TRIO: variants seen among roughly 807,000 people sequenced by gnomAD.
TRIO encodes trio Rho guanine nucleotide exchange factor, also known as triple functional domain protein.
A neutral mutation model predicts 351.9 loss-of-function variants in TRIO; 58 were observed. The ratio of observed to expected loss-of-function variants is 0.16; its 90% CI spans 0.13 to 0.21. The LOEUF (loss-of-function observed/expected upper bound fraction) is 0.21. Among genes scored for constraint, TRIO ranks in the 10% least tolerant of loss-of-function variants. The pLI is 1.00. For synonymous variants in TRIO, 1,758 were observed against 1,595.7 expected (o/e 1.10, Z -2.42); for missense variants, 3,201 against 4,027.8 (o/e 0.79, Z 5.56).
At position 14,337,283 on chromosome 5, in the gene TRIO, A is replaced by G. The variant is rs147800793; in HGVS notation, c.2046+556A>G. ...TGAAAAATAGGTAGGTACTAATTAT[A>G]CCTTGCATATATGTTATTCTTGGTA... On this transcript the variant is annotated intron_variant, in intron 11 of 56. Coordinates refer to ENST00000344204, the MANE Select transcript of TRIO (RefSeq NM_007118.4). 6.3e-3 allele frequency among the ~76,000 whole-genome samples: 965 copies of G among 152,342 alleles called. 13 individuals carry two copies. Among genetic ancestry groups the G allele is most frequent in the Non-Finnish European group, 6.9e-3 (468 of 68,032 alleles).
chr5:14,165,346 T>C (rs4701601), intron 1 of TRIO, among the ~76,000 whole-genome samples: 38,485 of 152,108 alleles, frequency 0.25, 5,042 homozygotes, highest in Middle Eastern at 0.3. Context: ...CTCCCACTTA[T>C]AAGCGAGAAC....
chr5:14,468,186 C>G (rs546103656), intron 37 of TRIO, among the ~76,000 whole-genome samples: 9 of 152,334 alleles, frequency 5.9e-5, no homozygotes, highest in African/African-American at 2.2e-4. Flanking sequence ...TTGACTCTTA[C>G]TGTGTTAATC....
intron 2 of TRIO, among the ~76,000 whole-genome samples, chr5:14,279,314 G>A (rs1735792168): frequency 1.3e-5 from 2 of 152,084 alleles, no homozygotes; most frequent in South Asian, 4.2e-4. Flanking sequence ...ATCATCTTCT[G>A]CTGTATGCTT....
intron 1 of TRIO, among the ~76,000 whole-genome samples, chr5:14,146,400 C>T (rs553659800): frequency 3.3e-4 from 50 of 152,170 alleles, no homozygotes; most frequent in Non-Finnish European, 5.1e-4. Context: ...CATTGCTTGC[C>T]TTTCCTTTCT....
chr5:14,251,863 T>A lies in TRIO; in HGVS notation c.158-18962T>A, dbSNP rs532165380. ...AGAAAGACTGCATCTGTTTTCTCTC[T>A]ACAACCTGAGAGGAGGCTGAGGTAG... is the stretch of plus-strand genomic sequence containing the variant. On this transcript the variant is annotated intron_variant, in intron 1 of 56. Transcript: ENST00000344204. 4.6e-5 allele frequency among the ~76,000 whole-genome samples: 7 copies of A among 151,836 alleles called. No homozygotes were observed. The South Asian group carries it at 1.5e-3, about 32-fold the overall frequency.
intron 1 of TRIO, among the ~76,000 whole-genome samples, chr5:14,147,757 C>T (rs1251752208): frequency 6.6e-6 from 1 of 152,068 alleles, no homozygotes; most frequent in Admixed American, 6.6e-5. Flanking sequence ...ATATTTATAC[C>T]TTGAATGCCA....
chr5:14,404,050 T>TGTG (rs538990894), intron 31 of TRIO, among the ~76,000 whole-genome samples: 3 of 80,010 alleles, frequency 3.7e-5, no homozygotes, highest in African/African-American at 7.0e-5. Flanking sequence ...GGGTGTAGGT[T>TGTG]GTGGTGAGGG....
In TRIO at chr5:14,487,852, G is replaced by A; in HGVS notation, c.7224G>A (p.Pro2408=). The change falls in exon 48 of 57, where the codon CCG becomes CCA. Residue 2408 remains proline, a synonymous_variant. Coordinates refer to ENST00000344204, the MANE Select transcript of TRIO (RefSeq NM_007118.4). The part of the protein sequence containing the change: ...DAEGSEREAE[P]IPKMKVLESP... Reference sequence around the variant, plus strand: ...AGGGGTCCGAGCGAGAAGCGGAGCCGATCCCCAAGATGAAGGTGCTGGAGA... The same window carrying A: ...AGGGGTCCGAGCGAGAAGCGGAGCCAATCCCCAAGATGAAGGTGCTGGAGA... 2.0e-6 allele frequency: 3 copies of A among 1,527,928 alleles called. No individual in the cohort carries two copies. Among genetic ancestry groups the A allele is most frequent in the Non-Finnish European group, 2.6e-6 (3 of 1,137,298 alleles). The allele number at this position is 1,527,928 out of a possible 1,614,324, so 94.6% of individuals were successfully genotyped here. A position where few individuals can be genotyped will look rare whatever the true frequency, so the allele number is the denominator to read the frequency against.
At chr5:14,489,965 G>A (rs147169073) in intron 48 of TRIO, among the ~76,000 whole-genome samples, 4 of 152,314 alleles carry the variant, frequency 2.6e-5, no homozygotes, top group Non-Finnish European at 4.4e-5. Context: ...AGACTCCAGA[G>A]CTCCAAAATG....
chr5:14,320,517 C>A (rs2152308991), intron 9 of TRIO, among the ~76,000 whole-genome samples: 1 of 152,308 alleles, frequency 6.6e-6, no homozygotes, highest in Non-Finnish European at 1.5e-5. Context: ...CACAGCCCTT[C>A]ATGTGTGAGC....
intron 1 of TRIO, among the ~76,000 whole-genome samples, chr5:14,188,819 G>A (rs1790288560): frequency 6.6e-6 from 1 of 152,098 alleles, no homozygotes; most frequent in African/African-American, 2.4e-5. Flanking sequence ...TTTTAGTGTA[G>A]TTTCTTGCCT....
chr5:14,446,029 A>G (rs1044185337), intron 34 of TRIO, among the ~76,000 whole-genome samples: 1 of 152,206 alleles, frequency 6.6e-6, no homozygotes, highest in Non-Finnish European at 1.5e-5. Context: ...TGATTCAGCC[A>G]AGGACAAGAT....
intron 4 of TRIO, 93 bp downstream of exon 4, chr5:14,287,156 C>T (rs999746992): frequency 4.5e-5 from 55 of 1,229,416 alleles, no homozygotes; most frequent in Non-Finnish European, 5.5e-5. Context: ...TTTTAAACCA[C>T]ATATTAAACA....
At chr5:14,151,708 T>A (rs1404156631) in intron 1 of TRIO, among the ~76,000 whole-genome samples, 2 of 152,236 alleles carry the variant, frequency 1.3e-5, no homozygotes, top group Non-Finnish European at 2.9e-5. Context: ...TCATTTTGCT[T>A]TGCTTCCTCT....
chr5:14,485,789 C>A (rs2126627455), intron 47 of TRIO, among the ~76,000 whole-genome samples: 1 of 152,232 alleles, frequency 6.6e-6, no homozygotes, highest in Non-Finnish European at 1.5e-5. Context: ...AGTTTGAGAC[C>A]AGCCTGACCA....
intron 9 of TRIO, among the ~76,000 whole-genome samples, chr5:14,321,261 C>T (rs987482405): frequency 6.6e-6 from 1 of 152,208 alleles, no homozygotes; most frequent in Non-Finnish European, 1.5e-5. Flanking sequence ...AGAGGCAGGA[C>T]CCATCCAAGG....
intron 1 of TRIO, among the ~76,000 whole-genome samples, chr5:14,253,536 G>A (rs1432977085): frequency 6.6e-5 from 10 of 151,970 alleles, no homozygotes; most frequent in African/African-American, 9.7e-5. Flanking sequence ...ACAGGGTTTC[G>A]CCATGCTGCC....
intron 1 of TRIO, among the ~76,000 whole-genome samples, chr5:14,184,835 G>T (rs920933830): frequency 6.6e-6 from 1 of 152,142 alleles, no homozygotes; most frequent in Admixed American, 6.5e-5. Flanking sequence ...CCACTGCTGT[G>T]CTTCCCTCCT....
intron 34 of TRIO, among the ~76,000 whole-genome samples, chr5:14,446,837 G>A: frequency 6.6e-6 from 1 of 152,146 alleles, no homozygotes; most frequent in East Asian, 1.9e-4. Flanking sequence ...TTATTGGGGG[G>A]AAATAATCTT....
Sources: allele counts gnomAD v4.1 joint callset (sites outside exome capture counted in the v4.1 genomes callset), GRCh38; gene constraint gnomAD v4.1.1; transcripts MANE v1.5; gene names NCBI Gene and HGNC (gene_info 2026-07-23, HGNC 2026-07-21).